The following MCC variants were observed in gnomAD, a reference collection of about 807,000 sequenced individuals.
MCC encodes the protein MCC regulator of Wnt signaling pathway, also known as colorectal mutant cancer protein.
A neutral mutation model predicts 116.2 loss-of-function variants in MCC; 90 were observed. That is an observed-to-expected ratio of 0.77 (90% confidence interval 0.65 to 0.92). MCC has a LOEUF of 0.92. Ranked by LOEUF, MCC falls within the 40% of genes least tolerant of loss-of-function variation. The probability of loss-of-function intolerance (pLI) is 0.00; values close to 1 mark genes in which losing one functional copy is unlikely to be tolerated. For missense variants in MCC, 1,516 were observed against 1,312.2 expected (o/e 1.16, Z -2.40); for synonymous variants, 578 against 510.5 (o/e 1.13, Z -1.78).
At chr5:113,438,362 G>C (rs1770926670) in intron 1 of MCC, among the ~76,000 whole-genome samples, 3 of 152,150 alleles carry the variant, frequency 2.0e-5, no homozygotes, top group Admixed American at 2.0e-4. Flanking sequence ...GATAAATCTG[G>C]TTTTAAATCC....
chr5:113,298,245 T>C (rs1766761672), intron 3 of MCC, among the ~76,000 whole-genome samples: 1 of 151,984 alleles, frequency 6.6e-6, no homozygotes, highest in South Asian at 2.1e-4. Flanking sequence ...ATTAGGGAAA[T>C]GGGAAGATAA....
intron 11 of MCC, among the ~76,000 whole-genome samples, chr5:113,081,871 A>G (rs769882211): frequency 1.3e-5 from 2 of 152,218 alleles, no homozygotes; most frequent in Admixed American, 6.5e-5. Flanking sequence ...TGCCATACAC[A>G]AGAGGAATGG....
chr5:113,443,840 T>C (rs1771123059), intron 1 of MCC, among the ~76,000 whole-genome samples: 2 of 152,168 alleles, frequency 1.3e-5, no homozygotes, highest in Non-Finnish European at 1.5e-5. Flanking sequence ...ATCCCAGGTA[T>C]TGAGATGGAG....
At chr5:113,140,732 G>T (rs56216225) in intron 5 of MCC, among the ~76,000 whole-genome samples, 11,257 of 152,176 alleles carry the variant, frequency 0.074, 529 homozygotes, top group East Asian at 0.12. Context: ...ATTCTTAACT[G>T]AGGCCAGATT....
At chr5:113,446,155 G>A (rs1271734214) in intron 1 of MCC, among the ~76,000 whole-genome samples, 2 of 152,092 alleles carry the variant, frequency 1.3e-5, no homozygotes, top group Admixed American at 1.3e-4. Context: ...AATCTTAGAA[G>A]AAAACTTAGG....
intron 3 of MCC, among the ~76,000 whole-genome samples, chr5:113,227,105 T>C (rs1474996947): frequency 6.6e-6 from 1 of 152,224 alleles, no homozygotes; most frequent in African/African-American, 2.4e-5. Context: ...TGACAACTTA[T>C]TTCTAAAAGG....
intron 3 of MCC, among the ~76,000 whole-genome samples, chr5:113,333,615 G>T (rs983891570): frequency 1.3e-4 from 19 of 150,692 alleles, no homozygotes; most frequent in African/African-American, 4.5e-4. Flanking sequence ...GCAGCAGGGT[G>T]CAGAATACAG....
At chr5:113,145,761 C>A (rs971202262) in intron 4 of MCC, among the ~76,000 whole-genome samples, 1 of 107,434 alleles carries the variant, frequency 9.3e-6, no homozygotes, top group South Asian at 3.0e-4. Context: ...CACACACACA[C>A]ACACACACAC....
chr5:113,327,585 TAA>T (rs1196041398), intron 3 of MCC, among the ~76,000 whole-genome samples: 6,957 of 118,640 alleles, frequency 0.059, 591 homozygotes, highest in Admixed American at 0.16. Flanking sequence ...TATATATATA[TAA>T]AAATCTCATC....
chr5:113,306,761 C>G (rs1490111445), intron 3 of MCC, among the ~76,000 whole-genome samples: 1 of 151,774 alleles, frequency 6.6e-6, no homozygotes, highest in Non-Finnish European at 1.5e-5. Flanking sequence ...ATTGCTTATG[C>G]TTTTGGTGCC....
chr5:113,316,368 T>G (rs1238675375), intron 3 of MCC, among the ~76,000 whole-genome samples: 1 of 152,136 alleles, frequency 6.6e-6, no homozygotes, highest in East Asian at 1.9e-4. Context: ...CCCTTTGTAC[T>G]GCTAACTGAA....
chr5:113,292,448 T>C (rs1477984649), intron 3 of MCC, among the ~76,000 whole-genome samples: 1 of 152,162 alleles, frequency 6.6e-6, no homozygotes, highest in East Asian at 1.9e-4. Context: ...ACTTATTTCC[T>C]TAGGAACAAT....
In MCC at chr5:113,027,493, A is replaced by G; in HGVS notation, c.2880-11T>C. 1 of 1,613,732 alleles carries G rather than the reference A, an allele frequency of 6.2e-7. No individual in the cohort carries two copies. Among genetic ancestry groups the G allele is most frequent in the Non-Finnish European group, 8.5e-7 (1 of 1,179,774 alleles). On this transcript the variant is annotated splice_polypyrimidine_tract_variant and intron_variant, in intron 18 of 18. Coordinates refer to ENST00000408903, the MANE Select transcript of MCC (RefSeq NM_001085377.2). ...GCAGCCACCAGGTTGCTAGGTGGGA[A>G]TGAAGGGAAATTGGTATTAAGATTC... is the stretch of plus-strand genomic sequence containing the variant.
chr5:113,084,577 A>C (rs1221525599), intron 9 of MCC, among the ~76,000 whole-genome samples: 2 of 152,124 alleles, frequency 1.3e-5, no homozygotes, highest in Admixed American at 6.5e-5. Flanking sequence ...CTAACTTATT[A>C]AACTTGATAG....
chr5:113,114,447 T>C (rs1160822787), intron 6 of MCC, among the ~76,000 whole-genome samples: 1 of 152,146 alleles, frequency 6.6e-6, no homozygotes, highest in African/African-American at 2.4e-5. Context: ...GGCAGAGAAA[T>C]TCTAGGCAGA....
chr5:113,039,920 G>A (rs1051218400), intron 17 of MCC, among the ~76,000 whole-genome samples: 3 of 152,008 alleles, frequency 2.0e-5, no homozygotes, highest in Non-Finnish European at 2.9e-5. Context: ...TCACTTACTT[G>A]GTGGAAAGAT....
At chr5:113,116,840 C>T (rs1757425962) in intron 6 of MCC, among the ~76,000 whole-genome samples, 1 of 152,322 alleles carries the variant, frequency 6.6e-6, no homozygotes, top group African/African-American at 2.4e-5. Context: ...AGAAAACACA[C>T]AGTCACCCCA....
intron 1 of MCC, 38 bp from the exon 2 acceptor site, chr5:113,385,250 G>A (rs746030677): frequency 6.3e-7 from 1 of 1,594,456 alleles, no homozygotes; most frequent in African/African-American, 1.3e-5. Flanking sequence ...TGTGTTATGA[G>A]TGACATTTAA....
At chr5:113,481,807 T>C (rs1161908278) in intron 1 of MCC, among the ~76,000 whole-genome samples, 2 of 152,330 alleles carry the variant, frequency 1.3e-5, no homozygotes, top group East Asian at 1.9e-4. Context: ...TCATATACCA[T>C]AATGTTCACC....
Sources: allele counts gnomAD v4.1 joint callset (sites outside exome capture counted in the v4.1 genomes callset), GRCh38; gene constraint gnomAD v4.1.1; transcripts MANE v1.5; gene names NCBI Gene and HGNC (gene_info 2026-07-23, HGNC 2026-07-21).